The following TMEM108 variants were observed in gnomAD, a reference collection of about 807,000 sequenced individuals.
TMEM108 encodes transmembrane protein 108.
A neutral mutation model predicts 35.1 loss-of-function variants in TMEM108; 12 were observed. The observed-to-expected ratio is 0.34, with a 90% confidence interval of 0.22 to 0.55. The LOEUF is 0.55. Among genes scored for constraint, TMEM108 ranks in the 20% least tolerant of loss-of-function variants. The probability of loss-of-function intolerance (pLI) is 0.89; values close to 1 mark genes in which losing one functional copy is unlikely to be tolerated. For missense variants in TMEM108, 680 were observed against 753.3 expected, an observed-to-expected ratio of 0.90 and a Z score of 1.14; for synonymous variants, 287 against 308.6, an observed-to-expected ratio of 0.93 and a Z score of 0.73.
chr3:133,178,735 A>G (rs1271883190), intron 2 of TMEM108, among the ~76,000 whole-genome samples: 7 of 152,106 alleles, frequency 4.6e-5, no homozygotes, highest in South Asian at 2.1e-4. Context: ...ATACCATTCA[A>G]GACATAGGCA....
chr3:133,290,958 A>G (rs1169159007), intron 3 of TMEM108, among the ~76,000 whole-genome samples: 1 of 152,216 alleles, frequency 6.6e-6, no homozygotes, highest in Non-Finnish European at 1.5e-5. Context: ...AAATGACACT[A>G]ACTAAAATGG....
chr3:133,079,048 C>T (rs187411327), intron 2 of TMEM108, among the ~76,000 whole-genome samples: 5 of 152,190 alleles, frequency 3.3e-5, no homozygotes, highest in East Asian at 1.9e-4. Context: ...TTGAATTCAG[C>T]GAGAAGTGCC....
chr3:133,073,951 A>G (rs1943709917), intron 2 of TMEM108, among the ~76,000 whole-genome samples: 1 of 152,012 alleles, frequency 6.6e-6, no homozygotes, highest in Non-Finnish European at 1.5e-5. Context: ...GGTCATTTGT[A>G]TGTCTTCTTT....
chr3:133,175,219 C>T (rs541052245), intron 2 of TMEM108, among the ~76,000 whole-genome samples: 11 of 152,118 alleles, frequency 7.2e-5, no homozygotes, highest in African/African-American at 1.9e-4. Context: ...CTGAAAGTGA[C>T]GGGGAGAATG....
At chr3:133,223,181 G>A (rs1248405668) in intron 2 of TMEM108, among the ~76,000 whole-genome samples, 1 of 152,214 alleles carries the variant, frequency 6.6e-6, no homozygotes, top group Non-Finnish European at 1.5e-5. Context: ...GTTGGTGTCT[G>A]TGCGTTTGAA....
intron 3 of TMEM108, among the ~76,000 whole-genome samples, chr3:133,372,128 A>C (rs964038026): frequency 6.6e-6 from 1 of 152,230 alleles, no homozygotes; most frequent in African/African-American, 2.4e-5. Context: ...AGTTGCCCCC[A>C]AGTGTTGCTG....
chr3:133,057,079 A>G (rs1014866180), intron 2 of TMEM108, among the ~76,000 whole-genome samples: 2 of 152,156 alleles, frequency 1.3e-5, no homozygotes, highest in Non-Finnish European at 2.9e-5. Flanking sequence ...AGCATGAATT[A>G]AACCTGCCAG....
chr3:133,180,453 G>C (rs143044771), intron 2 of TMEM108, among the ~76,000 whole-genome samples: 1 of 151,844 alleles, frequency 6.6e-6, no homozygotes, highest in Admixed American at 6.6e-5. Context: ...ATAATAAAGG[G>C]TTTTATTTTC....
intron 2 of TMEM108, among the ~76,000 whole-genome samples, chr3:133,228,354 A>G (rs545500192): frequency 1.3e-5 from 2 of 152,354 alleles, no homozygotes; most frequent in East Asian, 3.9e-4. Context: ...TTGAGACCGA[A>G]TATTTGCCTC....
At chr3:133,258,460 C>T (rs527625224) in intron 3 of TMEM108, among the ~76,000 whole-genome samples, 4 of 152,288 alleles carry the variant, frequency 2.6e-5, no homozygotes, top group South Asian at 4.1e-4. Context: ...CACACCACCT[C>T]GCTTTTGATA....
chr3:133,191,656 A>G (rs1237052246), intron 2 of TMEM108, among the ~76,000 whole-genome samples: 1 of 152,200 alleles, frequency 6.6e-6, no homozygotes, highest in Admixed American at 6.5e-5. Flanking sequence ...TGCACTGGCC[A>G]TTAAAGTCTC....
In TMEM108 at chr3:133,388,656, G is replaced by C. The variant is rs910492051; in HGVS notation, c.1451-1524G>C. 3 of 985,306 alleles carry C rather than the reference G, an allele frequency of 3.0e-6. No homozygotes were observed. The African/African-American group carries it at 5.2e-5, about 17-fold the overall frequency. 61.0% of individuals were successfully genotyped at this position (985,306 alleles called of 1,614,324 possible). On this transcript the variant is annotated intron_variant, in intron 4 of 5. Transcript: ENST00000321871. ...ATTAGAAGTCTTTTTGATCAAAGCA[G>C]ATAAGATAAAGTAGAAACTTACCCT...
At chr3:133,134,320 AAGTT>A (rs1944534136) in intron 2 of TMEM108, among the ~76,000 whole-genome samples, 2 of 152,108 alleles carry the variant, frequency 1.3e-5, no homozygotes, top group Admixed American at 1.3e-4. Flanking sequence ...ATACATCTAA[AAGTT>A]AATTATGCTA....
chr3:133,370,686 C>G (rs1474319632), intron 3 of TMEM108, among the ~76,000 whole-genome samples: 3 of 152,080 alleles, frequency 2.0e-5, no homozygotes, highest in Admixed American at 1.3e-4. Flanking sequence ...TAATTTGACT[C>G]TCATTTTTGT....
chr3:133,171,097 A>C (rs1039260288), intron 2 of TMEM108, among the ~76,000 whole-genome samples: 1 of 152,118 alleles, frequency 6.6e-6, no homozygotes, highest in African/African-American at 2.4e-5. Context: ...TCTCTCTCTG[A>C]CATTTAGATA....
intron 2 of TMEM108, among the ~76,000 whole-genome samples, chr3:133,127,198 C>T (rs907275015): frequency 1.3e-5 from 2 of 152,110 alleles, no homozygotes; most frequent in African/African-American, 4.8e-5. Context: ...ACATGCATAT[C>T]AGTTGTCCAG....
chr3:133,327,376 A>G (rs1481383377), intron 3 of TMEM108, among the ~76,000 whole-genome samples: 2 of 152,160 alleles, frequency 1.3e-5, no homozygotes, highest in Non-Finnish European at 2.9e-5. Flanking sequence ...AGACAGAAGT[A>G]TGTAAATACC....
At chr3:133,391,097 T>C (rs75630650) in intron 5 of TMEM108, among the ~76,000 whole-genome samples, 2,536 of 152,262 alleles carry the variant, frequency 0.017, 56 homozygotes, top group African/African-American at 0.058. Flanking sequence ...TATTATGGCA[T>C]TGGGACTCTA....
chr3:133,167,076 G>A (rs959710471), intron 2 of TMEM108, among the ~76,000 whole-genome samples: 1 of 152,176 alleles, frequency 6.6e-6, no homozygotes, highest in Non-Finnish European at 1.5e-5. Flanking sequence ...GCTAGACACA[G>A]AATGCTGATT....
Sources: allele counts gnomAD v4.1 joint callset (sites outside exome capture counted in the v4.1 genomes callset), GRCh38; gene constraint gnomAD v4.1.1; transcripts MANE v1.5; gene names NCBI Gene and HGNC (gene_info 2026-07-23, HGNC 2026-07-21).